The following TMEM117 variants were observed in gnomAD, a reference collection of about 807,000 sequenced individuals.
The protein encoded by TMEM117 is transmembrane protein 117.
Under a neutral mutation model 52.4 loss-of-function variants are expected in TMEM117, and 27 were observed. That is an observed-to-expected ratio of 0.51 (90% CI 0.38 to 0.71). The LOEUF is 0.71. Ranked by LOEUF, TMEM117 falls within the 30% of genes least tolerant of loss-of-function variation. TMEM117 has a pLI of 0.00. For synonymous variants in TMEM117, 215 were observed against 206.3 expected (o/e 1.04, Z -0.36); for missense variants, 556 against 630.5 (o/e 0.88, Z 1.26).
rs12311262 is a variant in TMEM117 at position 44,187,721 on chromosome 12, A to G, written c.511-23569A>G. ...TAATGTTTCAGTCATCTCCTGAAAT[A>G]ACCCTTTTGGCCACCAGTATTTGTT... On this transcript the variant is annotated intron_variant, in intron 4 of 7. Coordinates refer to ENST00000266534, the MANE Select transcript of TMEM117 (RefSeq NM_032256.3). 8.4e-3 allele frequency among the ~76,000 whole-genome samples: 1,277 copies of G among 152,262 alleles called. 22 individuals are homozygous for G. The highest frequency in any genetic ancestry group is 0.029 in the African/African-American group (1,190 of 41,548).
intron 4 of TMEM117, among the ~76,000 whole-genome samples, chr12:44,165,518 G>A (rs1948954247): frequency 6.6e-6 from 1 of 152,128 alleles, no homozygotes; most frequent in South Asian, 2.1e-4. Context: ...TACACTGAAA[G>A]TGAAATGATG....
intron 3 of TMEM117, among the ~76,000 whole-genome samples, chr12:43,968,761 C>T (rs1373671623): frequency 6.6e-6 from 1 of 151,998 alleles, no homozygotes; most frequent in African/African-American, 2.4e-5. Context: ...ATTATAGATG[C>T]CATATACCAC....
At chr12:43,805,997 A>T in the TMEM117 span, 1 of 1,532,228 alleles carries the variant, frequency 6.5e-7, no homozygotes, top group Non-Finnish European at 8.8e-7. Context: ...CGAATTTCGG[A>T]TCAATCTGCA....
chr12:43,965,605 A>G (rs558758850), intron 3 of TMEM117, among the ~76,000 whole-genome samples: 3 of 152,302 alleles, frequency 2.0e-5, no homozygotes, highest in African/African-American at 7.2e-5. Context: ...GGCATATTGT[A>G]TCCTTGCCAA....
chr12:44,223,067 A>G (rs1290647366), intron 5 of TMEM117, among the ~76,000 whole-genome samples: 1 of 149,128 alleles, frequency 6.7e-6, no homozygotes, highest in Non-Finnish European at 1.5e-5. Flanking sequence ...TTTTATTTTA[A>G]GTTGAGGGGT....
At chr12:44,012,177 A>G (rs1455642701) in intron 3 of TMEM117, among the ~76,000 whole-genome samples, 1 of 151,840 alleles carries the variant, frequency 6.6e-6, no homozygotes, top group Non-Finnish European at 1.5e-5. Flanking sequence ...TTTTTCCTTT[A>G]TATGTAAGGT....
intron 5 of TMEM117, among the ~76,000 whole-genome samples, chr12:44,214,788 A>C (rs2138409302): frequency 6.6e-6 from 1 of 152,296 alleles, no homozygotes; most frequent in African/African-American, 2.4e-5. Context: ...ATACATTTAG[A>C]TTATCTTGAC....
downstream of TMEM117, among the ~76,000 whole-genome samples, chr12:44,392,050 T>G (rs1456615306): frequency 6.6e-6 from 1 of 152,180 alleles, no homozygotes; most frequent in East Asian, 1.9e-4. Context: ...TTTAGACGTT[T>G]AAACATGTTT....
chr12:43,918,471 C>T (rs138280687), intron 2 of TMEM117, among the ~76,000 whole-genome samples: 159 of 152,256 alleles, frequency 1.0e-3, no homozygotes, highest in East Asian at 1.7e-3. Flanking sequence ...TGAGAATCAC[C>T]GCCTAAGCAA....
chr12:44,159,088 G>A (rs1034121942), intron 4 of TMEM117, among the ~76,000 whole-genome samples: 5 of 152,030 alleles, frequency 3.3e-5, no homozygotes, highest in Non-Finnish European at 5.9e-5. Flanking sequence ...AGATGGGGGC[G>A]GCAAATGGAA....
chr12:43,953,673 G>T (rs1164672916), intron 3 of TMEM117, among the ~76,000 whole-genome samples: 1 of 152,112 alleles, frequency 6.6e-6, no homozygotes, highest in African/African-American at 2.4e-5. Context: ...GACCTACAAA[G>T]AGACTTAGAC....
At chr12:43,906,120 A>G (rs1944382466) in intron 2 of TMEM117, among the ~76,000 whole-genome samples, 2 of 152,170 alleles carry the variant, frequency 1.3e-5, no homozygotes, top group South Asian at 4.1e-4. Flanking sequence ...CTATTAACAC[A>G]TTCATACTTG....
chr12:43,840,669 A>C (rs1169819111), intron 1 of TMEM117, among the ~76,000 whole-genome samples: 1 of 152,254 alleles, frequency 6.6e-6, no homozygotes, highest in Non-Finnish European at 1.5e-5. Flanking sequence ...GTGCCCTGGC[A>C]GTAAACAGCC....
Position 44,133,555 on chromosome 12 carries a change from G to A in TMEM117, c.411-9970G>A, listed in dbSNP as rs546477255. On this transcript the variant is annotated intron_variant, in intron 3 of 7. Coordinates refer to ENST00000266534, the MANE Select transcript of TMEM117 (RefSeq NM_032256.3). Reference sequence around the variant, plus strand: ...TGATAGCTGGTGTGGTGCAGCTTTTGAAACACACATTTCAAAAGCAGAGCG... The same window carrying A: ...TGATAGCTGGTGTGGTGCAGCTTTTAAAACACACATTTCAAAAGCAGAGCG... Among the ~76,000 whole-genome samples, 4 of 151,914 alleles carry A rather than the reference G, an allele frequency of 2.6e-5. No individual in the cohort carries two copies. The South Asian group carries it at 8.3e-4, about 32-fold the overall frequency.
intron 6 of TMEM117, among the ~76,000 whole-genome samples, chr12:44,334,725 A>G (rs1951317869): frequency 1.3e-5 from 2 of 151,996 alleles, no homozygotes; most frequent in African/African-American, 2.4e-5. Context: ...CCTCCACCAC[A>G]TGATGCTCTC....
intron 4 of TMEM117, among the ~76,000 whole-genome samples, chr12:44,184,708 A>G (rs1034357517): frequency 1.1e-4 from 16 of 152,186 alleles, no homozygotes; most frequent in Admixed American, 1.0e-3. Flanking sequence ...GCCTCCAGAA[A>G]GGAACTCAGC....
chr12:44,097,752 T>G (rs1947794205), intron 3 of TMEM117, among the ~76,000 whole-genome samples: 1 of 134,080 alleles, frequency 7.5e-6, no homozygotes, highest in African/African-American at 3.8e-5. Flanking sequence ...CATTAGGAGA[T>G]ATACCTAAAT....
chr12:44,143,064 C>T (rs1038401676), intron 3 of TMEM117, among the ~76,000 whole-genome samples: 4 of 152,026 alleles, frequency 2.6e-5, no homozygotes, highest in African/African-American at 7.2e-5. Flanking sequence ...TTATTCTGAA[C>T]GTTATTCAGG....
In TMEM117 at chr12:43,870,135, T is replaced by G. The variant is rs530649815; in HGVS notation, c.277+25207T>G. Among the ~76,000 whole-genome samples the G allele has an allele frequency of 3.9e-5, 6 of 152,360 alleles. No individual in the cohort carries two copies. In the South Asian group the frequency reaches 1.2e-3, roughly 32 times the overall value. On this transcript the variant is annotated intron_variant, in intron 2 of 7. Coordinates refer to ENST00000266534, the MANE Select transcript of TMEM117 (RefSeq NM_032256.3). ...TTATGCTGCATAGTATTACATGGTATGTATGTACCATAATTTCTTTATCCA... is the reference window on the plus strand; with the variant it reads ...TTATGCTGCATAGTATTACATGGTAGGTATGTACCATAATTTCTTTATCCA...
Sources: allele counts gnomAD v4.1 joint callset (sites outside exome capture counted in the v4.1 genomes callset), GRCh38; gene constraint gnomAD v4.1.1; transcripts MANE v1.5; gene names NCBI Gene and HGNC (gene_info 2026-07-23, HGNC 2026-07-21).